CCDC102B: variants seen among roughly 807,000 people sequenced by gnomAD.
CCDC102B encodes coiled-coil domain containing 102B.
Under a neutral mutation model 57.4 loss-of-function variants are expected in CCDC102B, and 75 were observed. The ratio of observed to expected loss-of-function variants is 1.31; its 90% confidence interval spans 1.08 to 1.58. The LOEUF (loss-of-function observed/expected upper bound fraction) is 1.58. Among genes scored for constraint, CCDC102B ranks in the 40% most tolerant of loss-of-function variants. The probability of loss-of-function intolerance (pLI) is 0.00; values close to 1 mark genes in which losing one functional copy is unlikely to be tolerated. For missense variants in CCDC102B, 636 were observed against 582.6 expected (o/e 1.09, Z -0.94); for synonymous variants, 206 against 201.9 (o/e 1.02, Z -0.17).
At chr18:68,789,452 C>T (rs556974391) in intron 2 of CCDC102B, among the ~76,000 whole-genome samples, 246 of 152,304 alleles carry the variant, frequency 1.6e-3, no homozygotes, top group African/African-American at 5.8e-3. Flanking sequence ...TTCTCCCCAT[C>T]GCTTTCAGGT....
chr18:68,974,852 T>C (rs2050391542), intron 6 of CCDC102B, among the ~76,000 whole-genome samples: 1 of 151,980 alleles, frequency 6.6e-6, no homozygotes, highest in Non-Finnish European at 1.5e-5. Context: ...CACTGCATGA[T>C]GTCTTTGCAT....
rs1477982 is a variant in CCDC102B, at chr18:68,761,978, C to T, written c.-67+45384C>T. On this transcript the variant is annotated intron_variant, in intron 2 of 3. Coordinates refer to the CCDC102B transcript ENST00000578970. The stretch of plus-strand genomic sequence containing the variant: ...TCTTGGCGCTAGTTTGTAAGTAATT[C>T]CGGTCTGTTTAAACTTATTTTAGAT... 2.9e-3 allele frequency among the ~76,000 whole-genome samples: 434 copies of T among 152,046 alleles called. 1 individual carries two copies. Among genetic ancestry groups the T allele is most frequent in the African/African-American group, 0.01 (416 of 41,504 alleles).
chr18:68,919,823 T>C lies in CCDC102B; in HGVS notation c.1263+22395T>C, dbSNP rs529723159. Among the ~76,000 whole-genome samples the C allele has an allele frequency of 3.3e-5, 5 of 152,298 alleles. No homozygotes were observed. In the South Asian group the frequency reaches 1.0e-3, roughly 32 times the overall value. On this transcript the variant is annotated intron_variant, in intron 6 of 7. Coordinates refer to ENST00000360242, the MANE Select transcript of CCDC102B (RefSeq NM_024781.3). ...CTAAGGGAGAGAATGTCTTCAATAA[T>C]TGTTGTGGTGAATTTTGAATATATT...
chr18:68,941,074 T>A (rs945127747), intron 6 of CCDC102B, among the ~76,000 whole-genome samples: 5 of 151,360 alleles, frequency 3.3e-5, no homozygotes, highest in African/African-American at 7.3e-5. Flanking sequence ...TATCTACTAT[T>A]TGCTATTTAT....
At chr18:68,790,674 C>G (rs1026010592) in intron 2 of CCDC102B, among the ~76,000 whole-genome samples, 1 of 152,200 alleles carries the variant, frequency 6.6e-6, no homozygotes, top group African/African-American at 2.4e-5. Context: ...GGCAATGCCT[C>G]GCCCTGCTTC....
intron 6 of CCDC102B, among the ~76,000 whole-genome samples, chr18:68,956,585 T>C (rs1229612655): frequency 1.4e-4 from 7 of 51,506 alleles, no homozygotes; most frequent in African/African-American, 4.9e-4. Flanking sequence ...TATATATAAA[T>C]ATTATATATA....
At chr18:68,999,434 T>C (rs1363721096) in intron 6 of CCDC102B, among the ~76,000 whole-genome samples, 1 of 146,730 alleles carries the variant, frequency 6.8e-6, no homozygotes, top group East Asian at 2.0e-4. Flanking sequence ...CAGTCTCTAC[T>C]GAAAATAGTA....
chr18:68,828,823 T>C (rs879420576), intron 1 of CCDC102B, among the ~76,000 whole-genome samples: 4 of 151,816 alleles, frequency 2.6e-5, no homozygotes, highest in Non-Finnish European at 5.9e-5. Flanking sequence ...TATTCTGTCA[T>C]GTCACTTCCA....
intron 6 of CCDC102B, among the ~76,000 whole-genome samples, chr18:68,971,570 C>T (rs2050301978): frequency 6.6e-6 from 1 of 151,978 alleles, no homozygotes; most frequent in Non-Finnish European, 1.5e-5. Flanking sequence ...TTAATCTGCC[C>T]CTTTAGGTAA....
chr18:68,949,023 G>A (rs114652853), intron 6 of CCDC102B, among the ~76,000 whole-genome samples: 2,345 of 152,206 alleles, frequency 0.015, 66 homozygotes, highest in African/African-American at 0.054. Context: ...GTTGTTCAAG[G>A]GCAGGAAGCA....
chr18:68,975,486 T>A (rs137992166), intron 6 of CCDC102B, among the ~76,000 whole-genome samples: 68 of 152,168 alleles, frequency 4.5e-4, no homozygotes, highest in African/African-American at 1.5e-3. Context: ...TTTCTAATCA[T>A]GTCTCCAATG....
chr18:68,778,173 G>T (rs2034888451), intron 2 of CCDC102B, among the ~76,000 whole-genome samples: 1 of 152,088 alleles, frequency 6.6e-6, no homozygotes, highest in Admixed American at 6.6e-5. Flanking sequence ...ATTCCAAACT[G>T]TCGTAGTATA....
chr18:69,010,505 A>G (rs888811763), intron 6 of CCDC102B, among the ~76,000 whole-genome samples: 2 of 152,132 alleles, frequency 1.3e-5, no homozygotes, highest in Non-Finnish European at 2.9e-5. Flanking sequence ...CAACATGACT[A>G]CAGCCTCACA....
chr18:68,916,002 G>A (rs2041059231), intron 6 of CCDC102B, among the ~76,000 whole-genome samples: 2 of 151,852 alleles, frequency 1.3e-5, no homozygotes, highest in South Asian at 4.2e-4. Flanking sequence ...TTTTATAAAA[G>A]GTGCAAGTTA....
intron 6 of CCDC102B, among the ~76,000 whole-genome samples, chr18:68,972,329 C>G (rs2050323406): frequency 1.3e-5 from 2 of 152,140 alleles, no homozygotes; most frequent in Admixed American, 1.3e-4. Flanking sequence ...GGTGGATCTG[C>G]ATGACTCAGT....
rs970202232 is a variant in CCDC102B at position 68,848,293 on chromosome 18, C to A, written c.936+1872C>A. ...TCTTTCTTACTCCCTTTTTCCTCAA[C>A]AATTCTGATAATGACCTTTGCATTT... On this transcript the variant is annotated intron_variant, in intron 4 of 7. Coordinates refer to ENST00000360242, the MANE Select transcript of CCDC102B (RefSeq NM_024781.3). Among the ~76,000 whole-genome samples the A allele has an allele frequency of 2.0e-5, 3 of 151,976 alleles. No homozygotes were observed. The South Asian group carries it at 6.2e-4, about 31-fold the overall frequency.
At chr18:68,891,526 T>C (rs193026621) in intron 5 of CCDC102B, among the ~76,000 whole-genome samples, 14 of 152,344 alleles carry the variant, frequency 9.2e-5, no homozygotes, top group Non-Finnish European at 2.1e-4. Context: ...CCTTTTTCTG[T>C]GACAAAGTGT....
At chr18:69,055,868 C>T (rs369111156), downstream of CCDC102B, among the ~76,000 whole-genome samples, 13 of 152,140 alleles carry the variant, frequency 8.5e-5, no homozygotes, top group South Asian at 2.1e-4. Flanking sequence ...TCAGAACCCA[C>T]GAGGGATGGG....
chr18:68,852,781 T>C (rs1212122836), intron 4 of CCDC102B, among the ~76,000 whole-genome samples: 1 of 152,200 alleles, frequency 6.6e-6, no homozygotes, highest in Non-Finnish European at 1.5e-5. Flanking sequence ...TACTTGATAT[T>C]TGGTTGATTT....
Sources: gnomAD v4.1 joint callset for allele counts (sites outside exome capture counted in the v4.1 genomes callset) on GRCh38, gnomAD v4.1.1 for gene constraint, MANE v1.5 for transcripts, NCBI Gene and HGNC (gene_info 2026-07-23, HGNC 2026-07-21) for gene names.